SAMD5: variants seen among roughly 807,000 people sequenced by gnomAD.
SAMD5 encodes the protein sterile alpha motif domain containing 5, also known as sterile alpha motif domain-containing protein 5.
A neutral mutation model predicts 11.3 loss-of-function variants in SAMD5; 13 were observed. The ratio of observed to expected loss-of-function variants is 1.15; its 90% confidence interval spans 0.75 to 1.83. The LOEUF is 1.83. Ranked by LOEUF, SAMD5 falls within the 40% of genes most tolerant of loss-of-function variation. The pLI is 0.00. For missense variants in SAMD5, 255 were observed against 239.1 expected, an observed-to-expected ratio of 1.07 and a Z score of -0.44; for synonymous variants, 129 against 111.3, an observed-to-expected ratio of 1.16 and a Z score of -1.00.
In SAMD5 at chr6:147,568,864, G is replaced by A. The variant is rs1789085599; in HGVS notation, c.*4408G>A. 2 of 956,046 alleles carry A rather than the reference G, an allele frequency of 2.1e-6. No homozygotes were observed. Among genetic ancestry groups the A allele is most frequent in the African/African-American group, 1.8e-5 (1 of 56,538 alleles). The allele number at this position is 956,046 out of a possible 1,614,324, so 59.2% of individuals were successfully genotyped here. ...AAAATCAAATAACTTTCTAGTCCAT[G>A]ATCATTAATCCCTACTATTTTAGAT... On this transcript the variant is annotated 3_prime_UTR_variant, in exon 2 of 2. Coordinates refer to ENST00000367474, the MANE Select transcript of SAMD5 (RefSeq NM_001030060.3).
At position 147,554,132 on chromosome 6, in the gene SAMD5, A is replaced by G. The variant is rs374567242; in HGVS notation, c.460-10262A>G. Among the ~76,000 whole-genome samples, 9 of 152,266 alleles carry G rather than the reference A, an allele frequency of 5.9e-5. No homozygotes were observed. The East Asian group carries it at 1.7e-3, about 29-fold the overall frequency. On this transcript the variant is annotated intron_variant, in intron 1 of 1. Transcript: ENST00000367474. ...CCTTTTTCACATGGTGGCAGGAAGG[A>G]GAAGTGCTGAGCAAAAGGGGGAAAA...
At chr6:147,893,924 A>G in the SAMD5 span, among the ~76,000 whole-genome samples, 1 of 152,154 alleles carries the variant, frequency 6.6e-6, no homozygotes, top group African/African-American at 2.4e-5. Context: ...TTTGTTTAAT[A>G]GCCTACTCAT....
intron 1 of SAMD5, among the ~76,000 whole-genome samples, chr6:147,678,371 T>C (rs1330322844): frequency 6.6e-6 from 1 of 152,354 alleles, no homozygotes; most frequent in Middle Eastern, 3.4e-3. Context: ...GTAAAATGTA[T>C]TGAATTTGAT....
chr6:147,509,433 G>A, intron 1 of SAMD5, 46 bp downstream of exon 1: 10 of 1,479,818 alleles, frequency 6.8e-6, no homozygotes, highest in Non-Finnish European at 9.0e-6. Flanking sequence ...GGCGGGAGGG[G>A]ACACAGCCCA....
At chr6:147,899,494 T>C in the SAMD5 span, among the ~76,000 whole-genome samples, 3 of 152,210 alleles carry the variant, frequency 2.0e-5, no homozygotes, top group African/African-American at 7.2e-5. Flanking sequence ...GAAAAGGACA[T>C]ATTTGTCTAC....
chr6:147,907,834 G>C, the SAMD5 span, among the ~76,000 whole-genome samples: 4 of 152,266 alleles, frequency 2.6e-5, no homozygotes, highest in Admixed American at 2.6e-4. Context: ...ATTATTCTCT[G>C]TAATGATATT....
chr6:147,646,038 C>CTATCTATG (rs2128452873), intron 1 of SAMD5, among the ~76,000 whole-genome samples: 1 of 112,390 alleles, frequency 8.9e-6, no homozygotes, highest in South Asian at 2.5e-4. Context: ...ATCTATCTAT[C>CTATCTATG]TATCTATCTA....
At position 147,612,375 on chromosome 6, in the gene SAMD5, C is replaced by T. The variant is rs140553886; in HGVS notation, c.162+102988C>T. 2.2e-4 allele frequency among the ~76,000 whole-genome samples: 33 copies of T among 152,200 alleles called. No homozygotes were observed. The East Asian group carries it at 4.2e-3, about 20-fold the overall frequency. The stretch of plus-strand genomic sequence containing the variant: ...AATCATATTTTTTAATTAAGACTTT[C>T]GCACTCCTATTTTTTCAATAAGACT... On this transcript the variant is annotated intron_variant, in intron 1 of 1. Transcript: ENST00000566741.
At chr6:147,792,159 G>C in the SAMD5 span, among the ~76,000 whole-genome samples, 32 of 152,152 alleles carry the variant, frequency 2.1e-4, no homozygotes, top group Admixed American at 5.9e-4. Flanking sequence ...GTTACTGAAG[G>C]GGGTGGGGAG....
chr6:147,879,775 T>C, the SAMD5 span, among the ~76,000 whole-genome samples: 1 of 152,206 alleles, frequency 6.6e-6, no homozygotes, highest in Non-Finnish European at 1.5e-5. Flanking sequence ...AATAAGCATG[T>C]TCACCTAGAA....
intron 1 of SAMD5, among the ~76,000 whole-genome samples, chr6:147,563,977 G>A (rs1390983121): frequency 1.3e-5 from 2 of 152,214 alleles, no homozygotes; most frequent in African/African-American, 4.8e-5. Context: ...TCCAGCATGA[G>A]ATAGGTCGCC....
downstream of SAMD5, among the ~76,000 whole-genome samples, chr6:147,572,547 C>G (rs1789152585): frequency 6.6e-6 from 1 of 152,114 alleles, no homozygotes; most frequent in East Asian, 1.9e-4. Context: ...ATGATCGTGG[C>G]TCACTGCAAC....
At chr6:147,514,392 G>C (rs1216342314) in intron 1 of SAMD5, among the ~76,000 whole-genome samples, 1 of 151,458 alleles carries the variant, frequency 6.6e-6, no homozygotes, top group African/African-American at 2.4e-5. Flanking sequence ...TATTAATATA[G>C]AAATGTTAGA....
intron 1 of SAMD5, among the ~76,000 whole-genome samples, chr6:147,735,191 T>A (rs1452307651): frequency 3.9e-5 from 6 of 152,236 alleles, no homozygotes; most frequent in African/African-American, 1.4e-4. Flanking sequence ...TACTCTGTTA[T>A]TGGTCTGATA....
At chr6:147,888,504 T>C in the SAMD5 span, among the ~76,000 whole-genome samples, 2 of 152,158 alleles carry the variant, frequency 1.3e-5, no homozygotes, top group African/African-American at 4.8e-5. Context: ...TGTCTTTTAG[T>C]TTGCATTGTT....
chr6:147,795,172 G>A, the SAMD5 span, among the ~76,000 whole-genome samples: 12 of 143,614 alleles, frequency 8.4e-5, no homozygotes, highest in Admixed American at 3.5e-4. Context: ...CCACTAACTC[G>A]TCATCTAGCA....
the SAMD5 span, among the ~76,000 whole-genome samples, chr6:147,898,399 T>G: frequency 3.9e-5 from 6 of 152,284 alleles, no homozygotes; most frequent in Non-Finnish European, 1.5e-5. Context: ...CACTTATTTA[T>G]CTCCCTCTAG....
At chr6:147,809,033 A>G in the SAMD5 span, among the ~76,000 whole-genome samples, 1 of 152,226 alleles carries the variant, frequency 6.6e-6, no homozygotes, top group Non-Finnish European at 1.5e-5. Context: ...TTTGGATTGC[A>G]TGTATAGTGA....
the SAMD5 span, among the ~76,000 whole-genome samples, chr6:147,944,494 ACCTCCCACCGGTTT>A: frequency 6.6e-6 from 1 of 151,988 alleles, no homozygotes; most frequent in Non-Finnish European, 1.5e-5. Context: ...TGATTCAATT[ACCTCCCACCGGTTT>A]CCTCCCCTAA....
Sources: allele counts gnomAD v4.1 joint callset (sites outside exome capture counted in the v4.1 genomes callset), GRCh38; gene constraint gnomAD v4.1.1; transcripts MANE v1.5; gene names NCBI Gene and HGNC (gene_info 2026-07-23, HGNC 2026-07-21).